FUT8: variants seen among roughly 807,000 people sequenced by gnomAD.
The protein encoded by FUT8 is fucosyltransferase 8, also known as alpha-(1,6)-fucosyltransferase.
FUT8 carries 29 observed loss-of-function variants against 71.3 expected under a neutral mutation model. That is an observed-to-expected ratio of 0.41 (90% confidence interval 0.30 to 0.55). The LOEUF (loss-of-function observed/expected upper bound fraction) is 0.55, where lower values mean the gene tolerates loss of function less well. FUT8 is among the 20% of genes least tolerant of loss of function. The probability of loss-of-function intolerance (pLI) is 0.34; values close to 1 mark genes in which losing one functional copy is unlikely to be tolerated. For missense variants in FUT8, 544 were observed against 702.1 expected (o/e 0.77, Z 2.55); for synonymous variants, 254 against 239.3 (o/e 1.06, Z -0.57).
intron 2 of FUT8, among the ~76,000 whole-genome samples, chr14:65,465,150 G>A (rs187617559): frequency 1.9e-4 from 29 of 152,142 alleles, no homozygotes; most frequent in African/African-American, 6.0e-4. Flanking sequence ...TTGTTTTCCT[G>A]TTTTCAATTT....
the FUT8 span, among the ~76,000 whole-genome samples, chr14:65,395,033 C>T: frequency 7.9e-5 from 12 of 152,340 alleles, no homozygotes; most frequent in South Asian, 1.2e-3. Context: ...TGAGCCACCA[C>T]GCCCAGCTAC....
At chr14:65,487,625 T>C (rs1481788881) in intron 2 of FUT8, among the ~76,000 whole-genome samples, 1 of 152,088 alleles carries the variant, frequency 6.6e-6, no homozygotes, top group East Asian at 1.9e-4. Flanking sequence ...TTTTTGTCAT[T>C]GGCTCTTGCG....
chr14:65,649,498 A>C (rs564846378), intron 6 of FUT8, among the ~76,000 whole-genome samples: 6 of 152,228 alleles, frequency 3.9e-5, no homozygotes, highest in Non-Finnish European at 8.8e-5. Context: ...TAAAGGGCTA[A>C]GGACAAGATA....
intron 3 of FUT8, among the ~76,000 whole-genome samples, chr14:65,594,758 C>T (rs1887878100): frequency 6.6e-6 from 1 of 152,074 alleles, no homozygotes; most frequent in Admixed American, 6.5e-5. Context: ...CACCTCTCTG[C>T]CTCTCTCTTC....
chr14:65,508,331 A>G (rs751808978), intron 2 of FUT8, among the ~76,000 whole-genome samples: 51 of 151,546 alleles, frequency 3.4e-4, no homozygotes, highest in Non-Finnish European at 2.2e-4. Flanking sequence ...CAACCTCCCA[A>G]AGTGCTAGGA....
intron 2 of FUT8, among the ~76,000 whole-genome samples, chr14:65,496,593 C>G (rs2066563666): frequency 1.3e-5 from 2 of 152,164 alleles, no homozygotes; most frequent in Non-Finnish European, 2.9e-5. Flanking sequence ...CCCACTCGCT[C>G]TCTCTTGCCT....
chr14:65,661,323 T>G (rs1327407124), intron 6 of FUT8, among the ~76,000 whole-genome samples: 1 of 152,172 alleles, frequency 6.6e-6, no homozygotes, highest in East Asian at 1.9e-4. Flanking sequence ...ACAGGTCTCT[T>G]GAACCTGAAC....
chr14:65,415,992 G>T (rs532637999), intron 1 of FUT8, among the ~76,000 whole-genome samples: 11 of 152,030 alleles, frequency 7.2e-5, no homozygotes, highest in South Asian at 2.1e-4. Flanking sequence ...TGGAATATTG[G>T]TTTTTTTGCA....
intron 7 of FUT8, among the ~76,000 whole-genome samples, chr14:65,678,200 A>G (rs1892860602): frequency 6.6e-6 from 1 of 152,240 alleles, no homozygotes. Flanking sequence ...ATAGAGTTTC[A>G]GCAGGGCTTC....
chr14:65,401,838 A>G, the FUT8 span, among the ~76,000 whole-genome samples: 6 of 147,700 alleles, frequency 4.1e-5, no homozygotes, highest in Non-Finnish European at 8.9e-5. Context: ...GGTTGCAGTG[A>G]GCCAAGATTG....
chr14:65,472,641 A>G lies in FUT8; in HGVS notation c.-228+16923A>G, dbSNP rs2066165567. On this transcript the variant is annotated intron_variant, in intron 2 of 10. Coordinates refer to ENST00000673929, the MANE Select transcript of FUT8 (RefSeq NM_001371533.1). The surrounding 1 kb of genome is among the most constrained non-coding windows in gnomAD (Gnocchi z 4.4). ...AGGCTTTACTAATTGCACTTCTGAT[A>G]AGTATACTGATGATGCTGAGGATGG... Among the ~76,000 whole-genome samples the G allele has an allele frequency of 6.6e-6, 1 of 151,928 alleles. No individual in the cohort carries two copies. Among genetic ancestry groups the G allele is most frequent in the African/African-American group, 2.4e-5 (1 of 41,376 alleles).
intron 3 of FUT8, among the ~76,000 whole-genome samples, chr14:65,577,445 C>T (rs1057390281): frequency 6.6e-6 from 1 of 151,994 alleles, no homozygotes; most frequent in African/African-American, 2.4e-5. Flanking sequence ...AGTTTCTTCA[C>T]TTTAAAAATG....
intron 3 of FUT8, among the ~76,000 whole-genome samples, chr14:65,610,198 C>A (rs1269334367): frequency 6.6e-6 from 1 of 151,830 alleles, no homozygotes; most frequent in African/African-American, 2.4e-5. Flanking sequence ...CTTTTTCTTG[C>A]CTTGGTCTAC....
intron 1 of FUT8, among the ~76,000 whole-genome samples, chr14:65,436,071 C>T (rs759888886): frequency 1.3e-5 from 2 of 151,940 alleles, no homozygotes; most frequent in Non-Finnish European, 2.9e-5. Context: ...GCTGGGACCA[C>T]AGGTGTGTGC....
intron 7 of FUT8, among the ~76,000 whole-genome samples, chr14:65,698,897 A>AG (rs1018493440): frequency 6.6e-6 from 1 of 152,088 alleles, no homozygotes; most frequent in African/African-American, 2.4e-5. Context: ...CTTATGGGGG[A>AG]GACAGATACA....
At chr14:65,453,585 G>A (rs1023493676) in intron 1 of FUT8, among the ~76,000 whole-genome samples, 3 of 151,984 alleles carry the variant, frequency 2.0e-5, no homozygotes, top group African/African-American at 7.2e-5. Flanking sequence ...TTATTCTAGG[G>A]CAAATTTAGC....
chr14:65,656,991 C>T (rs908025279), intron 6 of FUT8, among the ~76,000 whole-genome samples: 16 of 152,176 alleles, frequency 1.1e-4, no homozygotes, highest in African/African-American at 2.9e-4. Flanking sequence ...TCACCATATA[C>T]GCAAATCAAA....
chr14:65,645,438 A>T (rs1395211011), intron 6 of FUT8, among the ~76,000 whole-genome samples: 1 of 152,232 alleles, frequency 6.6e-6, no homozygotes, highest in Admixed American at 6.5e-5. Context: ...TTGTAATATT[A>T]ATATTGTCTA....
At chr14:65,733,167 A>G (rs1238074063) in intron 9 of FUT8, 64 bp from the exon 10 acceptor site, 2 of 992,332 alleles carry the variant, frequency 2.0e-6, no homozygotes, top group Non-Finnish European at 1.4e-6. Flanking sequence ...CAAAGGAGAA[A>G]GTCTGCCTTC....
Sources: allele counts gnomAD v4.1 joint callset (sites outside exome capture counted in the v4.1 genomes callset), GRCh38; gene constraint gnomAD v4.1.1; non-coding constraint Gnocchi (gnomAD v3.1); transcripts MANE v1.5; gene names NCBI Gene and HGNC (gene_info 2026-07-23, HGNC 2026-07-21).